Variants in DYNC2LI1 observed in about 807,000 individuals in gnomAD.
DYNC2LI1 encodes the protein cytoplasmic dynein 2 light intermediate chain 1.
A neutral mutation model predicts 51.9 loss-of-function variants in DYNC2LI1; 45 were observed. That is an observed-to-expected ratio of 0.87 (90% CI 0.68 to 1.11). The LOEUF is 1.11. Ranked by LOEUF, DYNC2LI1 falls within the 50% of genes most tolerant of loss-of-function variation. The pLI, the probability that DYNC2LI1 is intolerant of heterozygous loss-of-function variation, is 0.00. For synonymous variants in DYNC2LI1, 130 were observed against 137.8 expected, an observed-to-expected ratio of 0.94 and a Z score of 0.40; for missense variants, 490 against 417.4, an observed-to-expected ratio of 1.17 and a Z score of -1.51.
chr2:43,810,440 C>T (rs1244322607), downstream of DYNC2LI1: 1 of 985,220 alleles, frequency 1.0e-6, no homozygotes, highest in Non-Finnish European at 1.2e-6. Context: ...TTGCGGATAA[C>T]CAGGATTATT....
In DYNC2LI1 at chr2:43,794,953, A is replaced by G. The variant is rs62136410; in HGVS notation, c.507+310A>G. On this transcript the variant is annotated intron_variant, in intron 6 of 12. Transcript: ENST00000260605. ...TAATCTCTGTAAAAATGAAGATAAA[A>G]AGCCAGATTGTACAAAAGTCACCTG... 7.7e-3 allele frequency: 9,799 copies of G among 1,277,164 alleles called. 80 individuals are homozygous for G. The highest frequency in any genetic ancestry group is 7.8e-3 in the Non-Finnish European group (7,869 of 1,012,818). The allele number at this position is 1,277,164 out of a possible 1,614,324, so 79.1% of individuals were successfully genotyped here.
rs1358217708 is a variant in DYNC2LI1 at position 43,804,758 on chromosome 2, T to G, written c.900+19T>G. ...ACCAAAGGTACATATTTCTAATTTT[T>G]TTAAAAGCAAGACTTTTAGCACTGT... is the stretch of plus-strand genomic sequence containing the variant. On this transcript the variant is annotated intron_variant, in intron 11 of 12. Coordinates refer to ENST00000260605, the MANE Select transcript of DYNC2LI1 (RefSeq NM_016008.4). 9 of 1,538,522 alleles carry G rather than the reference T, an allele frequency of 5.8e-6. No homozygotes were observed. Among genetic ancestry groups the G allele is most frequent in the Non-Finnish European group, 8.0e-6 (9 of 1,127,784 alleles).
chr2:43,796,463 A>C (rs1196229667), intron 7 of DYNC2LI1, among the ~76,000 whole-genome samples: 1 of 152,232 alleles, frequency 6.6e-6, no homozygotes, highest in Non-Finnish European at 1.5e-5. Flanking sequence ...AGAATTCCAC[A>C]CTATGAAATG....
downstream of DYNC2LI1, among the ~76,000 whole-genome samples, chr2:43,811,634 C>T (rs570874912): frequency 6.6e-6 from 1 of 150,976 alleles, no homozygotes; most frequent in Admixed American, 6.6e-5. Context: ...CTTGCTCTGT[C>T]GCCAGGCTGG....
chr2:43,822,794 C>A, the DYNC2LI1 span: 1 of 1,614,164 alleles, frequency 6.2e-7, no homozygotes, highest in South Asian at 1.1e-5. Context: ...AACAACCCCT[C>A]ACCAGTAGCA....
the DYNC2LI1 span, among the ~76,000 whole-genome samples, chr2:43,825,598 TTTGTTGTTA>T: frequency 5.0e-4 from 76 of 150,848 alleles, no homozygotes; most frequent in African/African-American, 1.7e-3. Flanking sequence ...TTGTTGTTGT[TTTGTTGTTA>T]TTGTTGTTGT....
At chr2:43,780,132 T>A (rs1296208785) in intron 2 of DYNC2LI1, among the ~76,000 whole-genome samples, 1 of 152,200 alleles carries the variant, frequency 6.6e-6, no homozygotes, top group Non-Finnish European at 1.5e-5. Context: ...GACCTTTCAC[T>A]AAGGTCAAAG....
At chr2:43,813,941 A>T (rs1572738065), downstream of DYNC2LI1, among the ~76,000 whole-genome samples, 1 of 150,282 alleles carries the variant, frequency 6.7e-6, no homozygotes, top group Non-Finnish European at 1.5e-5. Flanking sequence ...CTGGTCTCGA[A>T]CTCTTGACCT....
At chr2:43,798,242 A>T (rs937940303) in intron 8 of DYNC2LI1, among the ~76,000 whole-genome samples, 1 of 152,252 alleles carries the variant, frequency 6.6e-6, no homozygotes, top group Non-Finnish European at 1.5e-5. Flanking sequence ...AGAATATTTT[A>T]ACTGAAAGTA....
At chr2:43,813,971 C>T (rs116171973), downstream of DYNC2LI1, among the ~76,000 whole-genome samples, 1,890 of 152,170 alleles carry the variant, frequency 0.012, 36 homozygotes, top group African/African-American at 0.042. Flanking sequence ...CAACCTCCGA[C>T]TCCCAAAGTG....
rs566133737 is a variant in DYNC2LI1 at position 43,800,602 on chromosome 2, A to G, written c.655-239A>G. On this transcript the variant is annotated intron_variant, in intron 8 of 12. Coordinates refer to ENST00000260605, the MANE Select transcript of DYNC2LI1 (RefSeq NM_016008.4). ...TCCATTTGTGTGAGTAGCTGAAATG[A>G]TGAGTACATAAACACAAGTCCTTTC... 3.3e-5 allele frequency among the ~76,000 whole-genome samples: 5 copies of G among 152,268 alleles called. No homozygotes were observed. The East Asian group carries it at 9.6e-4, about 29-fold the overall frequency.
chr2:43,814,755 T>G (rs74424483), downstream of DYNC2LI1, among the ~76,000 whole-genome samples: 3,386 of 152,284 alleles, frequency 0.022, 86 homozygotes, highest in African/African-American at 0.064. Flanking sequence ...CATTGAACAA[T>G]ATAAAGAAAT....
At chr2:43,827,164 A>T in the DYNC2LI1 span, among the ~76,000 whole-genome samples, 1 of 152,028 alleles carries the variant, frequency 6.6e-6, no homozygotes, top group Non-Finnish European at 1.5e-5. Flanking sequence ...GTCTCTACTA[A>T]AAGAACAAAA....
intron 5 of DYNC2LI1, among the ~76,000 whole-genome samples, chr2:43,791,427 G>A (rs932089929): frequency 6.6e-6 from 1 of 152,094 alleles, no homozygotes; most frequent in Non-Finnish European, 1.5e-5. Context: ...GGTTCTGCAG[G>A]AAGCCAGATC....
At chr2:43,775,457 A>C (rs1019948535) in intron 1 of DYNC2LI1, among the ~76,000 whole-genome samples, 4 of 151,676 alleles carry the variant, frequency 2.6e-5, no homozygotes, top group African/African-American at 7.3e-5. Context: ...TGTTTTCAAA[A>C]TGTTTGTGGT....
At chr2:43,792,612 T>C in intron 5 of DYNC2LI1, 2 of 1,467,404 alleles carry the variant, frequency 1.4e-6, no homozygotes, top group South Asian at 1.4e-5. Flanking sequence ...CCAGAACTTT[T>C]TGATCTTCTC....
chr2:43,790,492 T>G (rs1322549970), intron 5 of DYNC2LI1, among the ~76,000 whole-genome samples: 1 of 152,194 alleles, frequency 6.6e-6, no homozygotes, highest in Non-Finnish European at 1.5e-5. Flanking sequence ...TTCTTGTTAA[T>G]GGGACCGTTG....
chr2:43,821,119 T>C, the DYNC2LI1 span, among the ~76,000 whole-genome samples: 7 of 152,332 alleles, frequency 4.6e-5, no homozygotes, highest in African/African-American at 1.7e-4. Flanking sequence ...TTGGCATGTC[T>C]TATACTCGCC....
At chr2:43,785,532 G>A (rs1027801786) in intron 3 of DYNC2LI1, among the ~76,000 whole-genome samples, 10 of 151,478 alleles carry the variant, frequency 6.6e-5, no homozygotes, top group Admixed American at 2.6e-4. Flanking sequence ...TCAGGAGTTC[G>A]AGATCAGCCT....
Sources: allele counts gnomAD v4.1 joint callset (sites outside exome capture counted in the v4.1 genomes callset), GRCh38; gene constraint gnomAD v4.1.1; transcripts MANE v1.5; gene names NCBI Gene and HGNC (gene_info 2026-07-23, HGNC 2026-07-21).